Variants in OR6A2 observed in about 807,000 individuals in gnomAD.
The protein encoded by OR6A2 is olfactory receptor 6A2.
Under a neutral mutation model 7.1 loss-of-function variants are expected in OR6A2, and 6 were observed. The ratio of observed to expected loss-of-function variants is 0.85; its 90% CI spans 0.46 to 1.68. OR6A2 has a LOEUF of 1.68. OR6A2 is among the 40% of genes most tolerant of loss of function. The probability of loss-of-function intolerance (pLI) is 0.01; values close to 1 mark genes in which losing one functional copy is unlikely to be tolerated. For missense variants in OR6A2, 431 were observed against 398.0 expected (o/e 1.08, Z -0.71); for synonymous variants, 162 against 152.1 (o/e 1.06, Z -0.48).
chr11:6,797,494 C>T (rs1486176429), intron 1 of OR6A2, among the ~76,000 whole-genome samples: 4 of 152,120 alleles, frequency 2.6e-5, no homozygotes, highest in Non-Finnish European at 5.9e-5. Context: ...CTTCTTTTTG[C>T]TTTTGATCCT....
rs933714400 is a variant in OR6A2 at position 6,794,944 on chromosome 11, G to T, written c.765C>A (p.Ile255=). 1.2e-6 allele frequency: 2 copies of T among 1,614,142 alleles called. No homozygotes were observed. ...TCASHLTVVI[I]FYAASIFIYA... ...AGATGAAGATACTGGCTGCATAGAAGATTATCACAACAGTGAGATGAGAGG... is the reference window on the plus strand; with the variant it reads ...AGATGAAGATACTGGCTGCATAGAATATTATCACAACAGTGAGATGAGAGG... The change falls in exon 2 of 2, where the codon ATC becomes ATA. Residue 255 remains isoleucine (I), a synonymous_variant. Coordinates refer to ENST00000641196, the MANE Select transcript of OR6A2 (RefSeq NM_003696.3).
chr11:6,798,934 T>C (rs1379667633), intron 1 of OR6A2, among the ~76,000 whole-genome samples: 2 of 152,164 alleles, frequency 1.3e-5, no homozygotes, highest in East Asian at 1.9e-4. Context: ...CATGAATGCA[T>C]GGCAAAAAGG....
Position 6,795,865 on chromosome 11 carries a change from T to C in OR6A2, c.-157A>G. On this transcript the variant is annotated 5_prime_UTR_variant, in exon 2 of 2. Coordinates refer to ENST00000641196, the MANE Select transcript of OR6A2 (RefSeq NM_003696.3). ...TCACTGAGCTGAGGCCACTGCTCTC[T>C]TCTTTAATCTGGAAATGAGCTAAGG... The C allele has an allele frequency of 1.6e-6, 1 of 630,728 alleles. No individual in the cohort carries two copies. Among genetic ancestry groups the C allele is most frequent in the South Asian group, 2.3e-5 (1 of 43,266 alleles). 39.1% of individuals were successfully genotyped at this position (630,728 alleles called of 1,614,324 possible).
chr11:6,798,430 T>C (rs1847768983), intron 1 of OR6A2, among the ~76,000 whole-genome samples: 1 of 152,150 alleles, frequency 6.6e-6, no homozygotes, highest in Admixed American at 6.5e-5. Context: ...TTCCTCCTAG[T>C]TCCTCACAGC....
Position 6,795,139 on chromosome 11 carries a change from G to A in OR6A2, c.570C>T (p.Leu190=). ...NHFFCDVSPL[L]NLSCTDMSTA... is the part of the protein sequence containing the mutation. Reference sequence around the variant, plus strand: ...TGGACATATCAGTGCATGAGAGGTTGAGCAATGGAGAGACATCACAGAAAA... The same window carrying A: ...TGGACATATCAGTGCATGAGAGGTTAAGCAATGGAGAGACATCACAGAAAA... The change falls in exon 2 of 2, where the codon CTC becomes CTT. Residue 190 remains leucine, a synonymous_variant. Transcript: ENST00000641196. The A allele has an allele frequency of 1.2e-6, 2 of 1,614,132 alleles. No individual in the cohort carries two copies. The highest frequency in any genetic ancestry group is 1.7e-6 in the Non-Finnish European group (2 of 1,180,016).
intron 1 of OR6A2, among the ~76,000 whole-genome samples, chr11:6,797,941 C>T (rs2133036292): frequency 6.6e-6 from 1 of 152,278 alleles, no homozygotes; most frequent in Admixed American, 6.5e-5. Context: ...GGCTTCTATC[C>T]ATAGAGACAT....
chr11:6,794,415 G>C lies in OR6A2; in HGVS notation c.*310C>G, dbSNP rs1847721743. The C allele has an allele frequency of 3.1e-6, 1 of 324,036 alleles. No homozygotes were observed. Among genetic ancestry groups the C allele is most frequent in the Non-Finnish European group, 5.7e-6 (1 of 176,792 alleles). The allele number at this position is 324,036 out of a possible 1,614,324, so 20.1% of individuals were successfully genotyped here. On this transcript the variant is annotated 3_prime_UTR_variant, in exon 2 of 2. Coordinates refer to ENST00000641196, the MANE Select transcript of OR6A2 (RefSeq NM_003696.3). ...AATAGAGATCTTATCAAAAAGTCTTGTGTTGCTTTTCCGTAATGAAGCCTG... is the reference window on the plus strand; with the variant it reads ...AATAGAGATCTTATCAAAAAGTCTTCTGTTGCTTTTCCGTAATGAAGCCTG...
In OR6A2 at chr11:6,795,110, G is replaced by T. The variant is rs759603665; in HGVS notation, c.599C>A (p.Ala200Glu). The T allele has an allele frequency of 3.7e-6, 6 of 1,614,160 alleles. No individual in the cohort carries two copies. The highest frequency in any genetic ancestry group is 2.2e-5 in the East Asian group (1 of 44,886). ...GGCCAGGATGAAATCTGTAAGCTCT[G>T]CTGTGGACATATCAGTGCATGAGAG... Reference protein sequence around the residue: ...LNLSCTDMSTAELTDFILAIF... With the variant: ...LNLSCTDMSTEELTDFILAIF... Residue 200 changes from alanine to glutamate, a missense_variant, in exon 2 of 2, where the codon GCA becomes GAA. Physicochemically the swap from Ala to Glu is moderately radical, Grantham distance 107 (BLOSUM62 -1). Transcript: ENST00000641196.
chr11:6,793,959 C>G lies in OR6A2; in HGVS notation c.*766G>C, dbSNP rs181022520. 2.0e-5 allele frequency: 3 copies of G among 152,268 alleles called. No individual in the cohort carries two copies. Among genetic ancestry groups the G allele is most frequent in the African/African-American group, 7.2e-5 (3 of 41,538 alleles). 9.4% of individuals were successfully genotyped at this position (152,268 alleles called of 1,614,324 possible). A position where few individuals can be genotyped will look rare whatever the true frequency, so the allele number is the denominator to read the frequency against. ...TTTTCAAAATTTTTTTCTGGCAAGG[C>G]TGAGCCAATTTGTATCTCTCTGCAT... On this transcript the variant is annotated 3_prime_UTR_variant, in exon 2 of 2. Coordinates refer to ENST00000641196, the MANE Select transcript of OR6A2 (RefSeq NM_003696.3).
In OR6A2 at chr11:6,795,179, T is replaced by G; in HGVS notation, c.530A>C (p.Asn177Thr). The G allele has an allele frequency of 1.2e-6, 2 of 1,614,112 alleles. No homozygotes were observed. Among genetic ancestry groups the G allele is most frequent in the South Asian group, 2.2e-5 (2 of 91,082 alleles). ...ATCACAGAAAAAGTGGTTGATGATG[T>G]TGGGGCCACAGTAAGAGAGGCCAGA... Reference protein sequence around the residue: ...LISGLSYCGPNIINHFFCDVS... With the variant: ...LISGLSYCGPTIINHFFCDVS... The change falls in exon 2 of 2, where the codon AAC (asparagine) becomes ACC (threonine). Residue 177 changes from asparagine (N) to threonine (T), a missense_variant. Transcript: ENST00000641196.
chr11:6,797,438 T>C (rs897694031), intron 1 of OR6A2, among the ~76,000 whole-genome samples: 11 of 152,236 alleles, frequency 7.2e-5, no homozygotes, highest in African/African-American at 2.7e-4. Flanking sequence ...TTGCTGTTTA[T>C]GACCTTAGCC....
In OR6A2 at chr11:6,791,998, T is replaced by A. The variant is rs573799937; in HGVS notation, c.*2727A>T. ...CTTTTCTGTTAGTATTACTTTATGT[T>A]CCAGGGTCCAATCCAATATACCGTA... On this transcript the variant is annotated 3_prime_UTR_variant, in exon 2 of 2. Transcript: ENST00000641196. 6.6e-6 allele frequency: 1 copy of A among 152,338 alleles called. No homozygotes were observed. The highest frequency in any genetic ancestry group is 2.1e-4 in the South Asian group (1 of 4,824). 9.4% of individuals were successfully genotyped at this position (152,338 alleles called of 1,614,324 possible).
Position 6,794,660 on chromosome 11 carries a change from C to T in OR6A2, c.*65G>A, listed in dbSNP as rs1847723873. On this transcript the variant is annotated 3_prime_UTR_variant, in exon 2 of 2. Coordinates refer to ENST00000641196, the MANE Select transcript of OR6A2 (RefSeq NM_003696.3). Reference sequence around the variant, plus strand: ...CCCAATTTAGGCCCTAAGAACTCCACTGGACTTCATAGAACACATTGATCC... The same window carrying T: ...CCCAATTTAGGCCCTAAGAACTCCATTGGACTTCATAGAACACATTGATCC... 6 of 1,559,186 alleles carry T rather than the reference C, an allele frequency of 3.8e-6. No homozygotes were observed. The highest frequency in any genetic ancestry group is 1.8e-5 in the Admixed American group (1 of 54,668).
chr11:6,795,559 A>T lies in OR6A2; in HGVS notation c.150T>A (p.Ile50=), dbSNP rs373297258. The change falls in exon 2 of 2, where the codon ATT becomes ATA. Residue 50 remains isoleucine, a synonymous_variant. Coordinates refer to ENST00000641196, the MANE Select transcript of OR6A2 (RefSeq NM_003696.3). ...LTENTLIIMA[I]RNHSTLHKPM... ...GTTTGTGGAGGGTAGAATGGTTCCT[A>T]ATTGCCATAATGATGAGTGTGTTCT... 3 of 1,614,098 alleles carry T rather than the reference A, an allele frequency of 1.9e-6. No individual in the cohort carries two copies. The highest frequency in any genetic ancestry group is 2.5e-6 in the Non-Finnish European group (3 of 1,179,998).
chr11:6,795,819 G>C lies in OR6A2; in HGVS notation c.-111C>G. ...TGGGCTTATATTGGTCGAATACCAC[G>C]TAAGGAGTTCATGTAATTAATCACT... On this transcript the variant is annotated 5_prime_UTR_variant, in exon 2 of 2. Transcript: ENST00000641196. 1 of 911,996 alleles carries C rather than the reference G, an allele frequency of 1.1e-6. No individual in the cohort carries two copies. The highest frequency in any genetic ancestry group is 1.7e-6 in the Non-Finnish European group (1 of 592,858). The allele number at this position is 911,996 out of a possible 1,614,324, so 56.5% of individuals were successfully genotyped here.
intron 1 of OR6A2, among the ~76,000 whole-genome samples, chr11:6,797,787 C>T (rs993364517): frequency 2.6e-5 from 4 of 152,056 alleles, no homozygotes; most frequent in Non-Finnish European, 4.4e-5. Flanking sequence ...CCACCTAAAC[C>T]TTATTTCTTA....
chr11:6,796,268 C>T (rs2741741), intron 1 of OR6A2, among the ~76,000 whole-genome samples: 1 of 151,968 alleles, frequency 6.6e-6, no homozygotes, highest in African/African-American at 2.4e-5. Context: ...ATAGCTACAA[C>T]TGTATGCCTA....
intron 1 of OR6A2, among the ~76,000 whole-genome samples, chr11:6,798,760 A>G (rs1312900056): frequency 6.6e-6 from 1 of 152,190 alleles, no homozygotes; most frequent in Non-Finnish European, 1.5e-5. Context: ...CTCTCTTCCT[A>G]GGAATTTTTA....
Position 6,795,716 on chromosome 11 carries a change from G to GTC in OR6A2, c.-10_-9dup, listed in dbSNP as rs763303036. ...ATGGTTCCGCCACTCCATGTCATTG[G>GTC]TCTCTCTTACTGCTCTTCAGGAGAT... On this transcript the variant is annotated 5_prime_UTR_variant, in exon 2 of 2. Transcript: ENST00000641196. 6.2e-7 allele frequency: 1 copy of GTC among 1,613,064 alleles called. No homozygotes were observed. The highest frequency in any genetic ancestry group is 1.7e-5 in the Admixed American group (1 of 59,972).
Sources: allele counts gnomAD v4.1 joint callset (sites outside exome capture counted in the v4.1 genomes callset), GRCh38; gene constraint gnomAD v4.1.1; transcripts MANE v1.5; gene names NCBI Gene and HGNC (gene_info 2026-07-23, HGNC 2026-07-21).